The following RPS6KC1 variants were observed in gnomAD, a reference collection of about 807,000 sequenced individuals.
RPS6KC1 encodes the protein inactive ribosomal protein S6 kinase delta-1.
In RPS6KC1, 54 loss-of-function variants were observed where a neutral mutation model predicts 103.8. The observed-to-expected ratio is 0.52, with a 90% CI of 0.42 to 0.65. The LOEUF (loss-of-function observed/expected upper bound fraction) is 0.65. Ranked by LOEUF, RPS6KC1 falls within the 30% of genes least tolerant of loss-of-function variation. RPS6KC1 has a pLI of 0.00. For missense variants in RPS6KC1, 1,151 were observed against 1,253.8 expected, an observed-to-expected ratio of 0.92 and a Z score of 1.24; for synonymous variants, 439 against 438.7, an observed-to-expected ratio of 1.00 and a Z score of -0.01.
At chr1:213,793,539 T>G in the RPS6KC1 span, among the ~76,000 whole-genome samples, 11 of 152,208 alleles carry the variant, frequency 7.2e-5, no homozygotes, top group African/African-American at 2.6e-4. Flanking sequence ...GGGCGTCTAA[T>G]CCACTGAAAC....
At chr1:213,055,080 T>C (rs547106208) in intron 1 of RPS6KC1, among the ~76,000 whole-genome samples, 7 of 152,232 alleles carry the variant, frequency 4.6e-5, no homozygotes, top group East Asian at 1.9e-4. Context: ...TTAATTTACA[T>C]TGAGTCATAA....
chr1:213,809,001 C>T, the RPS6KC1 span, among the ~76,000 whole-genome samples: 1 of 152,194 alleles, frequency 6.6e-6, no homozygotes, highest in Non-Finnish European at 1.5e-5. Flanking sequence ...AGGACTTTTC[C>T]TTGCATTCAC....
chr1:213,419,027 G>C, the RPS6KC1 span, among the ~76,000 whole-genome samples: 1 of 152,180 alleles, frequency 6.6e-6, no homozygotes, highest in Non-Finnish European at 1.5e-5. Context: ...CCCAACCCAC[G>C]CACATTCTCT....
chr1:213,514,090 T>C, the RPS6KC1 span, among the ~76,000 whole-genome samples: 1 of 152,240 alleles, frequency 6.6e-6, no homozygotes, highest in African/African-American at 2.4e-5. Context: ...TCCTGGTTTA[T>C]TTTGGTCCTA....
intron 1 of RPS6KC1, among the ~76,000 whole-genome samples, chr1:213,054,849 T>C (rs1298401301): frequency 6.6e-6 from 1 of 152,238 alleles, no homozygotes; most frequent in Non-Finnish European, 1.5e-5. Context: ...GAAAATTCTT[T>C]CATAAGTTCC....
At chr1:213,714,622 T>G in the RPS6KC1 span, among the ~76,000 whole-genome samples, 1 of 152,336 alleles carries the variant, frequency 6.6e-6, no homozygotes, top group East Asian at 1.9e-4. Context: ...TGTGTGGAAG[T>G]TAGGCTCAAA....
At chr1:213,246,708 A>G (rs1050030069) in intron 12 of RPS6KC1, among the ~76,000 whole-genome samples, 7 of 151,920 alleles carry the variant, frequency 4.6e-5, no homozygotes, top group Non-Finnish European at 7.4e-5. Flanking sequence ...CTTGACTCTT[A>G]TCATTCAAAA....
intron 3 of RPS6KC1, among the ~76,000 whole-genome samples, chr1:213,095,843 TGTG>T (rs1466577245): frequency 6.6e-6 from 1 of 152,214 alleles, no homozygotes; most frequent in African/African-American, 2.4e-5. Context: ...GCCTTCAGTA[TGTG>T]GTAGTCTTTT....
At chr1:213,296,253 G>A in the RPS6KC1 span, among the ~76,000 whole-genome samples, 13 of 152,172 alleles carry the variant, frequency 8.5e-5, no homozygotes, top group Non-Finnish European at 1.5e-4. Context: ...AATGGCTCAC[G>A]ATTGGCCCTC....
intron 10 of RPS6KC1, among the ~76,000 whole-genome samples, chr1:213,236,202 C>T (rs2094217451): frequency 6.6e-6 from 1 of 152,172 alleles, no homozygotes; most frequent in Non-Finnish European, 1.5e-5. Context: ...ACACCCCTGT[C>T]CCCATCCACG....
At chr1:213,628,401 T>A in the RPS6KC1 span, among the ~76,000 whole-genome samples, 1 of 152,118 alleles carries the variant, frequency 6.6e-6, no homozygotes, top group Non-Finnish European at 1.5e-5. Context: ...TTTTGAAGGG[T>A]TTTTTGTGTC....
chr1:213,651,572 C>G, the RPS6KC1 span, among the ~76,000 whole-genome samples: 3 of 152,092 alleles, frequency 2.0e-5, no homozygotes, highest in Non-Finnish European at 1.5e-5. Flanking sequence ...CACAACAACC[C>G]TAAAAGAAAG....
the RPS6KC1 span, among the ~76,000 whole-genome samples, chr1:213,504,130 TATG>T: frequency 6.6e-6 from 1 of 152,210 alleles, no homozygotes; most frequent in African/African-American, 2.4e-5. Context: ...TATATACAAT[TATG>T]ATAATTTCTT....
the RPS6KC1 span, among the ~76,000 whole-genome samples, chr1:213,714,748 T>C: frequency 1.3e-5 from 2 of 152,268 alleles, no homozygotes; most frequent in Non-Finnish European, 2.9e-5. Flanking sequence ...GCAGATTGGC[T>C]TGATTTCTTT....
At chr1:213,544,825 C>G in the RPS6KC1 span, among the ~76,000 whole-genome samples, 1 of 152,198 alleles carries the variant, frequency 6.6e-6, no homozygotes, top group African/African-American at 2.4e-5. Flanking sequence ...TTGGCCTCCT[C>G]TCTCATTCCT....
chr1:213,663,244 T>C, the RPS6KC1 span, among the ~76,000 whole-genome samples: 1 of 152,356 alleles, frequency 6.6e-6, no homozygotes, highest in South Asian at 2.1e-4. Context: ...CTCATTGAAA[T>C]CTCACTGAGA....
At chr1:213,802,397 T>C in the RPS6KC1 span, among the ~76,000 whole-genome samples, 1 of 152,220 alleles carries the variant, frequency 6.6e-6, no homozygotes, top group African/African-American at 2.4e-5. Context: ...AAAGTATAAA[T>C]GCTATTATAG....
chr1:213,566,437 G>GTTTTTTTTTTTTTTTTTTTTTTTTTTTTT, the RPS6KC1 span, among the ~76,000 whole-genome samples: 1 of 48,524 alleles, frequency 2.1e-5, no homozygotes, highest in Admixed American at 2.8e-4. Flanking sequence ...TCAGCCTTTA[G>GTTTTTTTTTTTTTTTTTTTTTTTTTTTTT]TTTTTTTTTT....
chr1:213,551,630 G>T, the RPS6KC1 span, among the ~76,000 whole-genome samples: 1 of 152,258 alleles, frequency 6.6e-6, no homozygotes, highest in African/African-American at 2.4e-5. Flanking sequence ...CCCGACACAG[G>T]CACTACCTCC....
Sources: allele counts gnomAD v4.1 joint callset (sites outside exome capture counted in the v4.1 genomes callset), GRCh38; gene constraint gnomAD v4.1.1; transcripts MANE v1.5; gene names NCBI Gene and HGNC (gene_info 2026-07-23, HGNC 2026-07-21).